The following TNRC18 variants were observed in gnomAD, a reference collection of about 807,000 sequenced individuals.
TNRC18 encodes the protein trinucleotide repeat containing 18, also known as trinucleotide repeat-containing gene 18 protein.
A neutral mutation model predicts 226.7 loss-of-function variants in TNRC18; 69 were observed. That is an observed-to-expected ratio of 0.30 (90% CI 0.25 to 0.37). The LOEUF (loss-of-function observed/expected upper bound fraction) is 0.37, where lower values mean the gene tolerates loss of function less well. TNRC18 is among the 10% of genes least tolerant of loss of function. The probability of loss-of-function intolerance (pLI) is 1.00; values close to 1 mark genes in which losing one functional copy is unlikely to be tolerated. For missense variants in TNRC18, 4,754 were observed against 4,256.6 expected, an observed-to-expected ratio of 1.12 and a Z score of -3.25; for synonymous variants, 2,449 against 1,927.6, an observed-to-expected ratio of 1.27 and a Z score of -7.09.
chr7:5,348,469 A>G (rs553262644), intron 17 of TNRC18, among the ~76,000 whole-genome samples: 3 of 152,296 alleles, frequency 2.0e-5, no homozygotes, highest in African/African-American at 7.2e-5. Context: ...GTCTCCTGCC[A>G]ACGCCCCAAG....
At position 5,388,703 on chromosome 7, in the gene TNRC18, A is replaced by G. The variant is rs1179468873; in HGVS notation, c.1121T>C (p.Phe374Ser). 4.0e-6 allele frequency: 5 copies of G among 1,264,580 alleles called. No homozygotes were observed. Among genetic ancestry groups the G allele is most frequent in the Non-Finnish European group, 4.0e-6 (4 of 1,003,122 alleles). 78.3% of individuals were successfully genotyped at this position (1,264,580 alleles called of 1,614,324 possible). A position where few individuals can be genotyped will look rare whatever the true frequency, so the allele number is the denominator to read the frequency against. Residue 374 changes from phenylalanine (F) to serine (S), a missense_variant, in exon 5 of 30, where the codon TTC (phenylalanine) becomes TCC (serine). Coordinates refer to ENST00000430969, the MANE Select transcript of TNRC18 (RefSeq NM_001080495.3). ...GREHRVVAPT[F>S]VPSVEAFDER... ...GTCGAAGGCCTCCACGGAAGGCACG[A>G]AGGTGGGCGCCACCACGCGGTGCTC...
chr7:5,375,181 T>C (rs2128178056), intron 9 of TNRC18, among the ~76,000 whole-genome samples: 1 of 152,264 alleles, frequency 6.6e-6, no homozygotes, highest in African/African-American at 2.4e-5. Flanking sequence ...TGACAGCATG[T>C]GCCTGTAATT....
At chr7:5,360,768 T>G (rs1490602872) in intron 14 of TNRC18, among the ~76,000 whole-genome samples, 1 of 152,076 alleles carries the variant, frequency 6.6e-6, no homozygotes, top group African/African-American at 2.4e-5. Flanking sequence ...CATCCTCTCT[T>G]CGGTCAGAAA....
At position 5,376,324 on chromosome 7, in the gene TNRC18, C is replaced by T. The variant is rs1278644029; in HGVS notation, c.2609-100G>A. ...AAGCCAGAGAGGGGCCACACCCACA[C>T]AGTGGGGAGCTGGGCTCTCTGCGGG... On this transcript the variant is annotated intron_variant, in intron 8 of 29. Transcript: ENST00000430969. 80 of 1,090,896 alleles carry T rather than the reference C, an allele frequency of 7.3e-5. No individual in the cohort carries two copies. The South Asian group carries it at 1.1e-3, about 16-fold the overall frequency. The allele number at this position is 1,090,896 out of a possible 1,614,324, so 67.6% of individuals were successfully genotyped here.
chr7:5,348,744 G>A (rs533130170), intron 17 of TNRC18, among the ~76,000 whole-genome samples: 2 of 152,288 alleles, frequency 1.3e-5, no homozygotes, highest in East Asian at 3.9e-4. Flanking sequence ...AGCAATGGAT[G>A]AAGCAGGCTG....
rs1234246091 is a variant in TNRC18 at position 5,357,262 on chromosome 7, CTTCTTA to C, written c.4842_4847del (p.Ile1614_Lys1616delinsMet). 1 of 1,610,368 alleles carries C rather than the reference CTTCTTA, an allele frequency of 6.2e-7. No individual in the cohort carries two copies. Among genetic ancestry groups the C allele is most frequent in the Non-Finnish European group, 8.5e-7 (1 of 1,178,366 alleles). ...GCTCCTGGTCGCTGGCCATCTTCTT[CTTCTTA>C]ATCTTTAGCTGGAGAGGGAAGGTGG... On this transcript the variant is annotated inframe_deletion, in exon 16 of 30. Transcript: ENST00000430969.
At chr7:5,381,794 C>T (rs1439242438) in intron 5 of TNRC18, among the ~76,000 whole-genome samples, 1 of 151,930 alleles carries the variant, frequency 6.6e-6, no homozygotes, top group East Asian at 1.9e-4. Context: ...GGTGAAACCT[C>T]GGCTCTACTA....
At chr7:5,345,517 G>GCCACCCCCCCCCC in intron 18 of TNRC18, 45 bp downstream of exon 18, 5 of 377,744 alleles carry the variant, frequency 1.3e-5, no homozygotes, top group South Asian at 4.4e-5. Flanking sequence ...AATGGCGTCC[G>GCCACCCCCCCCCC]CCCCTCCCAC....
intron 11 of TNRC18, among the ~76,000 whole-genome samples, chr7:5,363,141 A>G (rs1349407509): frequency 6.6e-6 from 1 of 151,838 alleles, no homozygotes; most frequent in East Asian, 1.9e-4. Context: ...ACCTCTACTA[A>G]AAATAACAAA....
chr7:5,411,846 G>C (rs935243269), intron 2 of TNRC18, among the ~76,000 whole-genome samples: 1 of 152,108 alleles, frequency 6.6e-6, no homozygotes, highest in East Asian at 1.9e-4. Flanking sequence ...AAAAAACAAA[G>C]CAGCTCATCC....
Position 5,309,859 on chromosome 7 carries a change from C to T in TNRC18, c.8389-491G>A, listed in dbSNP as rs558779797. On this transcript the variant is annotated intron_variant, in intron 27 of 29. Transcript: ENST00000430969. This position sits in a 1 kb window ranked among gnomAD's most constrained non-coding sequence, Gnocchi z 5.7. ...TCAAACCACCCTCCCACCTTTGCCTCCCAAAGCACTAGGATCGCAGTGTCA... is the reference window on the plus strand; with the variant it reads ...TCAAACCACCCTCCCACCTTTGCCTTCCAAAGCACTAGGATCGCAGTGTCA... Among the ~76,000 whole-genome samples, 21 of 152,290 alleles carry T rather than the reference C, an allele frequency of 1.4e-4. No individual in the cohort carries two copies. Among genetic ancestry groups the T allele is most frequent in the Non-Finnish European group, 2.8e-4 (19 of 68,018 alleles).
At chr7:5,320,737 C>A (rs1788265698) in intron 22 of TNRC18, 130 bp from the exon 23 acceptor site, 1 of 783,436 alleles carries the variant, frequency 1.3e-6, no homozygotes, top group Non-Finnish European at 2.1e-6. Context: ...TGCTGACTTG[C>A]TGAATTTGGG....
chr7:5,316,087 G>C lies in TNRC18; in HGVS notation c.6746-15C>G, dbSNP rs545867661. ...GTCCAGTAACCCTGTGGGAAGAGGG[G>C]AGGCTCAGGGGAGGCCCTCGGACCT... On this transcript the variant is annotated splice_polypyrimidine_tract_variant and intron_variant, in intron 24 of 29. Transcript: ENST00000430969. 1 of 1,605,670 alleles carries C rather than the reference G, an allele frequency of 6.2e-7. No individual in the cohort carries two copies. The highest frequency in any genetic ancestry group is 1.3e-5 in the African/African-American group (1 of 74,696).
At chr7:5,334,202 A>G (rs1329663111) in intron 18 of TNRC18, among the ~76,000 whole-genome samples, 8 of 152,232 alleles carry the variant, frequency 5.3e-5, no homozygotes, top group Non-Finnish European at 1.0e-4. Flanking sequence ...CTTGCTCTGC[A>G]CTGCCCCGGT....
intron 26 of TNRC18, 50 bp downstream of exon 26, chr7:5,314,934 C>A: frequency 6.5e-7 from 1 of 1,544,992 alleles, no homozygotes. Flanking sequence ...AGTTTGGATG[C>A]ACGAAGGAGA....
chr7:5,413,258 C>A (rs1184996964), intron 2 of TNRC18, among the ~76,000 whole-genome samples: 2 of 152,126 alleles, frequency 1.3e-5, no homozygotes, highest in Admixed American at 6.5e-5. Context: ...CCAAGAGCAG[C>A]CCCCGCCAGC....
intron 5 of TNRC18, among the ~76,000 whole-genome samples, chr7:5,381,015 G>C (rs1422939367): frequency 6.6e-6 from 1 of 152,120 alleles, no homozygotes; most frequent in African/African-American, 2.4e-5. Context: ...GCTGCCCCAA[G>C]CCCTCTGTCC....
At chr7:5,350,860 C>T (rs995007423) in intron 17 of TNRC18, among the ~76,000 whole-genome samples, 22 of 152,148 alleles carry the variant, frequency 1.4e-4, no homozygotes, top group Non-Finnish European at 2.9e-4. Flanking sequence ...TCCCTTGATG[C>T]GGCAACGGAG....
chr7:5,353,843 G>C (rs1254037187), intron 16 of TNRC18, among the ~76,000 whole-genome samples: 1 of 152,186 alleles, frequency 6.6e-6, no homozygotes, highest in African/African-American at 2.4e-5. Flanking sequence ...TGCTCCATGA[G>C]TCCGTTTCTC....
Sources: gnomAD v4.1 joint callset for allele counts (sites outside exome capture counted in the v4.1 genomes callset) on GRCh38, gnomAD v4.1.1 for gene constraint, Gnocchi (gnomAD v3.1) non-coding constraint, MANE v1.5 for transcripts, NCBI Gene and HGNC (gene_info 2026-07-23, HGNC 2026-07-21) for gene names.